The following ZIM2 variants were observed in gnomAD, a reference collection of about 807,000 sequenced individuals.
ZIM2 encodes zinc finger protein 656.
Under a neutral mutation model 38.6 loss-of-function variants are expected in ZIM2, and 14 were observed. The observed-to-expected ratio is 0.36, with a 90% CI of 0.24 to 0.57. The LOEUF (loss-of-function observed/expected upper bound fraction) is 0.57, where lower values mean the gene tolerates loss of function less well. ZIM2 is among the 20% of genes least tolerant of loss of function. The pLI, the probability that ZIM2 is intolerant of heterozygous loss-of-function variation, is 0.81. For synonymous variants in ZIM2, 247 were observed against 245.8 expected (o/e 1.00, Z -0.04); for missense variants, 680 against 695.1 (o/e 0.98, Z 0.24).
chr19:56,822,716 A>AT, intron 6 of ZIM2, 37 bp downstream of exon 6: 1 of 1,610,704 alleles, frequency 6.2e-7, no homozygotes, highest in Non-Finnish European at 8.5e-7. Context: ...CACATGCTCT[A>AT]TATCTCCTAC....
Position 56,818,631 on chromosome 19 carries a change from G to A in ZIM2, c.366C>T (p.Asn122=). ...DRKPHNTIQD[N]MENYRKLLSL... is the part of the protein sequence containing the mutation. ...AGAGCAGCTTCCTGTAGTTTTCCAT[G>A]TTGTCCTGGATTGTGTTGTGAGGTT... The change falls in exon 8 of 13, where the codon AAC becomes AAT. Residue 122 remains asparagine, a synonymous_variant. Coordinates refer to ENST00000629319, the MANE Select transcript of ZIM2 (RefSeq NM_001387356.1). 2.5e-6 allele frequency: 4 copies of A among 1,614,134 alleles called. No homozygotes were observed. Among genetic ancestry groups the A allele is most frequent in the African/African-American group, 1.3e-5 (1 of 75,028 alleles).
chr19:56,794,068 T>C (rs2047073937), intron 9 of ZIM2, among the ~76,000 whole-genome samples: 1 of 152,182 alleles, frequency 6.6e-6, no homozygotes, highest in African/African-American at 2.4e-5. Flanking sequence ...GCTAAACATT[T>C]ATTAGCTGTA....
chr19:56,818,548 C>T lies in ZIM2; in HGVS notation c.397+52G>A, dbSNP rs1600979868. 4.4e-6 allele frequency: 7 copies of T among 1,598,426 alleles called. No individual in the cohort carries two copies. The East Asian group carries it at 1.6e-4, about 36-fold the overall frequency. ...TCCAGCTTAAAAAGGAGCAAGATGACAAAATGCTCCAATGACTGGACTGGG... is the reference window on the plus strand; with the variant it reads ...TCCAGCTTAAAAAGGAGCAAGATGATAAAATGCTCCAATGACTGGACTGGG... On this transcript the variant is annotated intron_variant, in intron 8 of 12. Transcript: ENST00000629319.
intron 9 of ZIM2, among the ~76,000 whole-genome samples, chr19:56,805,568 G>A (rs2047719466): frequency 6.6e-6 from 1 of 152,206 alleles, no homozygotes; most frequent in African/African-American, 2.4e-5. Flanking sequence ...CACCTTGACT[G>A]GGTGGATCAA....
chr19:56,775,256 G>C lies in ZIM2; in HGVS notation c.1109C>G (p.Thr370Arg). 14 of 1,614,090 alleles carry C rather than the reference G, an allele frequency of 8.7e-6. No homozygotes were observed. The highest frequency in any genetic ancestry group is 1.1e-5 in the Non-Finnish European group (13 of 1,180,026). The change falls in exon 13 of 13, where the codon ACG (threonine) becomes AGG (arginine). Residue 370 changes from threonine (T) to arginine (R), a missense_variant. Physicochemically the swap from Thr to Arg is moderately conservative, Grantham distance 71. Coordinates refer to ENST00000629319, the MANE Select transcript of ZIM2 (RefSeq NM_001387356.1). ...RCEFCKRTFS[T>R]QVALRRHERI... is the part of the protein sequence containing the mutation. ...TTCGTGTCTCCTAAGGGCTACTTGC[G>C]TACTAAAGGTTCGTTTGCAAAATTC...
rs10407440 is a variant in ZIM2 at position 56,829,308 on chromosome 19, C to T, written c.-226-2845G>A. Among the ~76,000 whole-genome samples the T allele has an allele frequency of 6.3e-3, 927 of 147,846 alleles. 10 individuals are homozygous for T. Among genetic ancestry groups the T allele is most frequent in the African/African-American group, 0.022 (856 of 39,728 alleles). On this transcript the variant is annotated intron_variant, in intron 2 of 12. Coordinates refer to ENST00000629319, the MANE Select transcript of ZIM2 (RefSeq NM_001387356.1). ...GCAGTGAGCCAAAATCGCACCACTG[C>T]GCTCCAGCCTGGGCAACAGAGCGAG...
intron 5 of ZIM2, 52 bp from the exon 6 acceptor site, chr19:56,822,888 T>C: frequency 6.3e-7 from 1 of 1,581,616 alleles, no homozygotes; most frequent in South Asian, 1.2e-5. Flanking sequence ...ACACACCTGT[T>C]TTCCCTGCAT....
intron 9 of ZIM2, chr19:56,817,003 T>A (rs767916930): frequency 1.2e-6 from 2 of 1,613,976 alleles, no homozygotes; most frequent in South Asian, 2.2e-5. Flanking sequence ...ACCATACTCA[T>A]AGAGGTTCTC....
At chr19:56,795,107 T>G (rs995389393) in intron 9 of ZIM2, among the ~76,000 whole-genome samples, 1 of 151,948 alleles carries the variant, frequency 6.6e-6, no homozygotes, top group Non-Finnish European at 1.5e-5. Context: ...CAGGCTGGAG[T>G]GCAGTGGCGC....
Position 56,817,226 on chromosome 19 carries a change from C to A in ZIM2, c.490+520G>T, listed in dbSNP as rs553693488. 8 of 1,614,088 alleles carry A rather than the reference C, an allele frequency of 5.0e-6. No homozygotes were observed. In the South Asian group the frequency reaches 8.8e-5, roughly 18 times the overall value. On this transcript the variant is annotated intron_variant, in intron 9 of 12. Transcript: ENST00000629319. ...TTCTTCCTGGGACAGCCTTTTTGAT[C>A]GTGAATCGAGCCCTTCCCATCTGTG...
At chr19:56,823,708 A>G (rs2146345448) in intron 4 of ZIM2, 29 bp from the exon 5 acceptor site, 1 of 1,612,764 alleles carries the variant, frequency 6.2e-7, no homozygotes, top group Non-Finnish European at 8.5e-7. Flanking sequence ...CCAAGTTACT[A>G]TCTCTGGCCC....
chr19:56,834,091 G>C (rs893742136), intron 2 of ZIM2, among the ~76,000 whole-genome samples: 1 of 152,152 alleles, frequency 6.6e-6, no homozygotes, highest in Non-Finnish European at 1.5e-5. Flanking sequence ...ACTTTAAAGA[G>C]ACAAAATGTC....
chr19:56,810,706 A>T, intron 9 of ZIM2: 1 of 983,692 alleles, frequency 1.0e-6, no homozygotes, highest in Non-Finnish European at 1.2e-6. Flanking sequence ...ACATCTTTTC[A>T]TTTAAGACTT....
At chr19:56,822,894 T>C in intron 5 of ZIM2, 58 bp from the exon 6 acceptor site, 3 of 1,573,834 alleles carry the variant, frequency 1.9e-6, no homozygotes, top group Non-Finnish European at 2.6e-6. Flanking sequence ...CTGTTTTCCC[T>C]GCATGTGCAC....
rs1290001483 is a variant in ZIM2 at position 56,815,519 on chromosome 19, C to T, written c.490+2227G>A. On this transcript the variant is annotated intron_variant, in intron 9 of 12. Coordinates refer to ENST00000629319, the MANE Select transcript of ZIM2 (RefSeq NM_001387356.1). ...TCAGAGCTATGAGCAAAGCACTCCC[C>T]ACACTCCTGACATTCATAGAGCATC... The T allele has an allele frequency of 7.5e-5, 121 of 1,614,052 alleles. No individual in the cohort carries two copies. The highest frequency in any genetic ancestry group is 1.0e-4 in the Non-Finnish European group (121 of 1,180,028).
chr19:56,775,445 G>A lies in ZIM2; in HGVS notation c.920C>T (p.Thr307Ile), dbSNP rs772517738. ...GCCATAGCTTCTTTCCGGAGTGAGG[G>A]TCTTGGGGTCATTCATTGTTATAGG... Reference protein sequence around the residue: ...LTPITMNDPKTLTPERSYGSD... With the variant: ...LTPITMNDPKILTPERSYGSD... The change falls in exon 13 of 13, where the codon ACC (threonine) becomes ATC (isoleucine). Residue 307 changes from threonine (T) to isoleucine (I), a missense_variant. Physicochemically the swap from Thr to Ile is moderately conservative, Grantham distance 89. Coordinates refer to ENST00000629319, the MANE Select transcript of ZIM2 (RefSeq NM_001387356.1). The A allele has an allele frequency of 1.2e-6, 2 of 1,614,028 alleles. No individual in the cohort carries two copies. Among genetic ancestry groups the A allele is most frequent in the East Asian group, 4.5e-5 (2 of 44,860 alleles).
rs149573512 is a variant in ZIM2 at position 56,815,776 on chromosome 19, C to T, written c.490+1970G>A. On this transcript the variant is annotated intron_variant, in intron 9 of 12. Transcript: ENST00000629319. Reference sequence around the variant, plus strand: ...CTGTATGACAGAGTCTTCATAGTTGCGATTCTTACTGCCCCCTTCACAAGG... The same window carrying T: ...CTGTATGACAGAGTCTTCATAGTTGTGATTCTTACTGCCCCCTTCACAAGG... The T allele has an allele frequency of 9.5e-5, 153 of 1,613,490 alleles. No homozygotes were observed. In the Middle Eastern group the frequency reaches 1.2e-3, roughly 12 times the overall value.
At chr19:56,818,074 C>T (rs1444183365) in intron 8 of ZIM2, among the ~76,000 whole-genome samples, 1 of 152,222 alleles carries the variant, frequency 6.6e-6, no homozygotes, top group Non-Finnish European at 1.5e-5. Flanking sequence ...CCCCACATGT[C>T]CCTGAAATCA....
intron 2 of ZIM2, among the ~76,000 whole-genome samples, chr19:56,832,255 C>T (rs896239205): frequency 1.3e-5 from 2 of 152,224 alleles, no homozygotes; most frequent in Non-Finnish European, 2.9e-5. Flanking sequence ...TGTTACAGCA[C>T]ATCAGGCCCT....
Sources: allele counts gnomAD v4.1 joint callset (sites outside exome capture counted in the v4.1 genomes callset), GRCh38; gene constraint gnomAD v4.1.1; transcripts MANE v1.5; gene names NCBI Gene and HGNC (gene_info 2026-07-23, HGNC 2026-07-21).